The following RALYL variants were observed in gnomAD, a reference collection of about 807,000 sequenced individuals.
RALYL encodes RNA-binding Raly-like protein.
In RALYL, 29 loss-of-function variants were observed where a neutral mutation model predicts 35.1. That is an observed-to-expected ratio of 0.83 (90% confidence interval 0.61 to 1.13). The LOEUF (loss-of-function observed/expected upper bound fraction) is 1.13, where lower values mean the gene tolerates loss of function less well. Among genes scored for constraint, RALYL ranks in the 50% most tolerant of loss-of-function variants. The pLI, the probability that RALYL is intolerant of heterozygous loss-of-function variation, is 0.00. For missense variants in RALYL, 359 were observed against 360.4 expected (o/e 1.00, Z 0.03); for synonymous variants, 120 against 127.6 (o/e 0.94, Z 0.40).
At chr8:84,426,474 G>GTGTGTGTGT (rs1554662503) in intron 1 of RALYL, among the ~76,000 whole-genome samples, 5 of 145,394 alleles carry the variant, frequency 3.4e-5, no homozygotes, top group African/African-American at 7.4e-5. Context: ...GTGTGTGTGT[G>GTGTGTGTGT]GGTTTAGATT....
intron 2 of RALYL, among the ~76,000 whole-genome samples, chr8:84,586,608 A>C (rs917964825): frequency 1.3e-5 from 2 of 152,222 alleles, no homozygotes; most frequent in Non-Finnish European, 2.9e-5. Flanking sequence ...GAAGAATAAC[A>C]ACTAATATTC....
At chr8:84,676,417 A>C (rs534415760) in intron 2 of RALYL, among the ~76,000 whole-genome samples, 1 of 152,078 alleles carries the variant, frequency 6.6e-6, no homozygotes, top group African/African-American at 2.4e-5. Context: ...CTTTTTTCCT[A>C]TAGATAGTTT....
intron 1 of RALYL, among the ~76,000 whole-genome samples, chr8:84,240,179 T>C (rs1227140418): frequency 6.6e-6 from 1 of 152,194 alleles, no homozygotes; most frequent in Non-Finnish European, 1.5e-5. Flanking sequence ...TAATAAAAAC[T>C]TCCCACAGTC....
At chr8:84,446,680 G>T (rs2048891218) in intron 1 of RALYL, among the ~76,000 whole-genome samples, 2 of 152,070 alleles carry the variant, frequency 1.3e-5, no homozygotes, top group African/African-American at 4.8e-5. Context: ...TGTCTGTGGG[G>T]TGATGGAATA....
At chr8:84,483,656 A>C (rs1024350352) in intron 1 of RALYL, among the ~76,000 whole-genome samples, 5 of 152,148 alleles carry the variant, frequency 3.3e-5, no homozygotes, top group African/African-American at 4.8e-5. Flanking sequence ...AATTGATGAA[A>C]AGATGAGACG....
At chr8:84,258,552 A>G (rs1462771428) in intron 1 of RALYL, among the ~76,000 whole-genome samples, 1 of 152,070 alleles carries the variant, frequency 6.6e-6, no homozygotes, top group East Asian at 1.9e-4. Context: ...ATTTGATTGT[A>G]TCAAAAAAAG....
intron 1 of RALYL, among the ~76,000 whole-genome samples, chr8:84,369,879 T>A (rs1349017887): frequency 2.0e-5 from 3 of 152,126 alleles, no homozygotes; most frequent in African/African-American, 7.2e-5. Flanking sequence ...AATCAGTTAA[T>A]ATAATGAATT....
At chr8:84,517,135 T>C (rs1162268608) in intron 1 of RALYL, among the ~76,000 whole-genome samples, 1 of 152,178 alleles carries the variant, frequency 6.6e-6, no homozygotes, top group Admixed American at 6.5e-5. Flanking sequence ...GCATAAAATA[T>C]ACACTCCAGT....
chr8:84,612,748 ACAT>A (rs1818592245), intron 2 of RALYL, among the ~76,000 whole-genome samples: 1 of 151,664 alleles, frequency 6.6e-6, no homozygotes, highest in African/African-American at 2.4e-5. Flanking sequence ...AAAATTACAA[ACAT>A]CATTTAAATG....
intron 2 of RALYL, among the ~76,000 whole-genome samples, chr8:84,546,924 T>A (rs1010350793): frequency 3.3e-5 from 5 of 151,990 alleles, no homozygotes; most frequent in Admixed American, 2.6e-4. Context: ...TTTCAAATAA[T>A]AAGCTATTAG....
chr8:84,216,478 G>A (rs1253857133), intron 1 of RALYL, among the ~76,000 whole-genome samples: 1 of 152,094 alleles, frequency 6.6e-6, no homozygotes, highest in Non-Finnish European at 1.5e-5. Context: ...TATGGGCTAT[G>A]TATAGTTAGT....
chr8:84,423,959 C>G (rs2046011441), intron 1 of RALYL, among the ~76,000 whole-genome samples: 1 of 151,748 alleles, frequency 6.6e-6, no homozygotes. Flanking sequence ...GTAACCTGAC[C>G]TTTCTCTCTG....
chr8:84,703,092 G>A (rs1479234504), intron 2 of RALYL, among the ~76,000 whole-genome samples: 2 of 151,984 alleles, frequency 1.3e-5, no homozygotes, highest in African/African-American at 2.4e-5. Context: ...AGGTTCCCCA[G>A]GTTCCACTTT....
chr8:84,717,841 T>C (rs1231777121), intron 2 of RALYL, among the ~76,000 whole-genome samples: 1 of 152,228 alleles, frequency 6.6e-6, no homozygotes, highest in Non-Finnish European at 1.5e-5. Flanking sequence ...GACTTCCTAA[T>C]GGGCATTTTT....
chr8:84,716,829 A>G (rs1273490971), intron 2 of RALYL, among the ~76,000 whole-genome samples: 1 of 152,218 alleles, frequency 6.6e-6, no homozygotes, highest in Non-Finnish European at 1.5e-5. Context: ...AAAACAAATC[A>G]TTAAAAATTC....
At chr8:84,707,660 T>G (rs1841450376) in intron 2 of RALYL, among the ~76,000 whole-genome samples, 1 of 152,146 alleles carries the variant, frequency 6.6e-6, no homozygotes, top group Non-Finnish European at 1.5e-5. Flanking sequence ...TTACTTAAAT[T>G]TAATTGTATC....
chr8:84,568,607 A>T (rs1158322295), intron 2 of RALYL, among the ~76,000 whole-genome samples: 1 of 140,728 alleles, frequency 7.1e-6, no homozygotes, highest in East Asian at 2.1e-4. Context: ...CTAGTTCTAG[A>T]TCCCTGAGGA....
At chr8:84,555,071 G>A (rs2061006885) in intron 2 of RALYL, among the ~76,000 whole-genome samples, 1 of 152,138 alleles carries the variant, frequency 6.6e-6, no homozygotes. Flanking sequence ...ACGAGGTCAG[G>A]CGTTCAAGAC....
intron 1 of RALYL, among the ~76,000 whole-genome samples, chr8:84,498,609 T>A (rs72679348): frequency 0.012 from 1,892 of 152,272 alleles, 20 homozygotes; most frequent in Middle Eastern, 0.024. Context: ...TAGGAGATGC[T>A]TGAATTGCTG....
Sources: gnomAD v4.1 joint callset for allele counts (sites outside exome capture counted in the v4.1 genomes callset) on GRCh38, gnomAD v4.1.1 for gene constraint, MANE v1.5 for transcripts, NCBI Gene and HGNC (gene_info 2026-07-23, HGNC 2026-07-21) for gene names.